The following ACTMAP variants were observed in gnomAD, a reference collection of about 807,000 sequenced individuals.
ACTMAP encodes UPF0692 protein C19orf54.
the ACTMAP span, chr19:40,744,306 TA>T: frequency 7.1e-7 from 1 of 1,417,846 alleles, no homozygotes; most frequent in Non-Finnish European, 9.3e-7. Context: ...CACCCCTTGG[TA>T]CAAATGCAGA....
chr19:40,744,726 C>A, the ACTMAP span: 1 of 1,558,548 alleles, frequency 6.4e-7, no homozygotes, highest in Non-Finnish European at 8.7e-7. Flanking sequence ...ATGTCACAGC[C>A]CCCTTACCTG....
At chr19:40,741,052 G>A in the ACTMAP span, 1 of 398,850 alleles carries the variant, frequency 2.5e-6, no homozygotes, top group Non-Finnish European at 4.4e-6. Flanking sequence ...GAGCAAGGCT[G>A]CTCCAAGCCC....
the ACTMAP span, chr19:40,744,568 T>G: frequency 6.2e-7 from 1 of 1,613,468 alleles, no homozygotes; most frequent in Non-Finnish European, 8.5e-7. Flanking sequence ...CCTGAGAACA[T>G]CTCTCCCTGG....
chr19:40,740,999 A>G, the ACTMAP span: 112 of 398,676 alleles, frequency 2.8e-4, no homozygotes, highest in East Asian at 3.8e-3. Context: ...CTGGGCGGCT[A>G]TTCTTGTGCC....
the ACTMAP span, chr19:40,742,780 A>G: frequency 6.3e-7 from 1 of 1,599,370 alleles, no homozygotes; most frequent in Non-Finnish European, 8.5e-7. Context: ...CCTGGGGGAG[A>G]GGAGAAGGTG....
At chr19:40,745,180 C>T in the ACTMAP span, 4 of 1,551,716 alleles carry the variant, frequency 2.6e-6, no homozygotes, top group Admixed American at 3.9e-5. Flanking sequence ...AGAGGATCCA[C>T]CGCAGGTCAC....
the ACTMAP span, among the ~76,000 whole-genome samples, chr19:40,747,965 G>A: frequency 4.9e-4 from 74 of 152,286 alleles, no homozygotes; most frequent in African/African-American, 1.7e-3. Context: ...TTATAGCTAA[G>A]GGGCTTCACT....
chr19:40,744,612 A>T, the ACTMAP span: 11 of 1,613,882 alleles, frequency 6.8e-6, no homozygotes, highest in Non-Finnish European at 8.5e-6. Flanking sequence ...CACCCGTATG[A>T]GTCTCTCCAG....
At chr19:40,750,017 G>A in the ACTMAP span, 1 of 442,884 alleles carries the variant, frequency 2.3e-6, no homozygotes. Context: ...GCACCTGACG[G>A]TTAACAGGGT....
At chr19:40,744,926 G>A in the ACTMAP span, 1 of 798,406 alleles carries the variant, frequency 1.3e-6, no homozygotes. Flanking sequence ...AGATGGACCA[G>A]GCTCATTCGT....
At chr19:40,749,171 AAT>A in the ACTMAP span, among the ~76,000 whole-genome samples, 1 of 151,536 alleles carries the variant, frequency 6.6e-6, no homozygotes, top group African/African-American at 2.4e-5. Flanking sequence ...TTGTATTTTT[AAT>A]AGAGATGCGG....
the ACTMAP span, chr19:40,749,851 A>ACCC: frequency 7.7e-7 from 1 of 1,301,502 alleles, no homozygotes; most frequent in Non-Finnish European, 1.0e-6. Flanking sequence ...CGGGGAGGGA[A>ACCC]GGATCCTCCA....
chr19:40,742,801 G>A, the ACTMAP span: 46 of 1,572,256 alleles, frequency 2.9e-5, no homozygotes, highest in Middle Eastern at 2.1e-4. Context: ...GTGAGTGGCA[G>A]TGACTGAGCC....
chr19:40,745,056 C>T, the ACTMAP span: 5 of 1,501,486 alleles, frequency 3.3e-6, no homozygotes, highest in Non-Finnish European at 4.5e-6. Context: ...TTCTCCAGAT[C>T]AGTCCTTAAG....
the ACTMAP span, chr19:40,742,842 GCCCTCT>G: frequency 7.1e-7 from 1 of 1,414,328 alleles, no homozygotes; most frequent in Non-Finnish European, 9.6e-7. Context: ...ACTAAGTTCC[GCCCTCT>G]CCCGGCCCTC....
At chr19:40,743,282 G>A in the ACTMAP span, among the ~76,000 whole-genome samples, 1 of 150,318 alleles carries the variant, frequency 6.7e-6, no homozygotes, top group Non-Finnish European at 1.5e-5. Flanking sequence ...ACCCAGGTTG[G>A]AGTGCAGTGG....
the ACTMAP span, chr19:40,744,749 G>A: frequency 7.9e-6 from 12 of 1,526,142 alleles, no homozygotes; most frequent in African/African-American, 1.1e-4. Flanking sequence ...AGCTGGAGTT[G>A]GGGAACAGGT....
At chr19:40,749,518 C>G in the ACTMAP span, 1 of 1,548,510 alleles carries the variant, frequency 6.5e-7, no homozygotes, top group African/African-American at 1.4e-5. Flanking sequence ...TTCACATCTT[C>G]TCTGCCCTTG....
At chr19:40,741,983 G>A in the ACTMAP span, 10 of 443,734 alleles carry the variant, frequency 2.3e-5, no homozygotes, top group African/African-American at 2.0e-4. Context: ...CAGAGGGCTG[G>A]GGGTGGGACT....
Sources: gnomAD v4.1 joint callset for allele counts (sites outside exome capture counted in the v4.1 genomes callset) on GRCh38, gnomAD v4.1.1 for gene constraint, MANE v1.5 for transcripts, NCBI Gene and HGNC (gene_info 2026-07-23, HGNC 2026-07-21) for gene names.